PRKAR1B: variants seen among roughly 807,000 people sequenced by gnomAD.
The protein encoded by PRKAR1B is protein kinase cAMP-dependent type I regulatory subunit beta.
Under a neutral mutation model 46.5 loss-of-function variants are expected in PRKAR1B, and 22 were observed. The ratio of observed to expected loss-of-function variants is 0.47; its 90% CI spans 0.34 to 0.68. The LOEUF (loss-of-function observed/expected upper bound fraction) is 0.68, where lower values mean the gene tolerates loss of function less well. PRKAR1B is among the 30% of genes least tolerant of loss of function. PRKAR1B has a pLI of 0.01. For missense variants in PRKAR1B, 445 were observed against 535.6 expected, an observed-to-expected ratio of 0.83 and a Z score of 1.67; for synonymous variants, 259 against 217.7, an observed-to-expected ratio of 1.19 and a Z score of -1.67.
At chr7:715,172 C>T (rs1049974562) in intron 1 of PRKAR1B, among the ~76,000 whole-genome samples, 6 of 152,100 alleles carry the variant, frequency 3.9e-5, no homozygotes, top group South Asian at 4.1e-4. Flanking sequence ...AACGAAACTC[C>T]GTCTCGAAAT....
intron 9 of PRKAR1B, among the ~76,000 whole-genome samples, chr7:551,698 C>A (rs1461911626): frequency 6.7e-6 from 1 of 148,760 alleles, no homozygotes; most frequent in Non-Finnish European, 1.5e-5. Flanking sequence ...ACCCCCATGT[C>A]CTGCCCAGGT....
intron 6 of PRKAR1B, among the ~76,000 whole-genome samples, chr7:597,740 A>G (rs1252033585): frequency 6.6e-6 from 1 of 152,232 alleles, no homozygotes; most frequent in Non-Finnish European, 1.5e-5. Context: ...AGGGCCTGCG[A>G]TGGCCGGGGC....
Position 727,191 on chromosome 7 carries a change from C to T in PRKAR1B, c.-23+19G>A. On this transcript the variant is annotated intron_variant, in intron 1 of 10. Coordinates refer to ENST00000537384, the MANE Select transcript of PRKAR1B (RefSeq NM_001164760.2). ...TGGGCCTGGCCGTGGACCTGTGCGGCGCCGCGCTCGCGCCCCACCTGGACG... is the reference window on the plus strand; with the variant it reads ...TGGGCCTGGCCGTGGACCTGTGCGGTGCCGCGCTCGCGCCCCACCTGGACG... The T allele has an allele frequency of 3.7e-6, 5 of 1,344,712 alleles. No homozygotes were observed. Among genetic ancestry groups the T allele is most frequent in the Non-Finnish European group, 4.8e-6 (5 of 1,044,218 alleles). 83.3% of individuals were successfully genotyped at this position (1,344,712 alleles called of 1,614,324 possible). A position where few individuals can be genotyped will look rare whatever the true frequency, so the allele number is the denominator to read the frequency against.
rs142648022 is a variant in PRKAR1B at position 589,119 on chromosome 7, A to T, written c.709-4551T>A. 5.5e-4 allele frequency among the ~76,000 whole-genome samples: 77 copies of T among 140,704 alleles called. 1 individual carries two copies. Among genetic ancestry groups the T allele is most frequent in the Middle Eastern group, 7.1e-3 (2 of 282 alleles). 92.3% of individuals were successfully genotyped at this position (140,704 alleles called of 152,430 possible). A position where few individuals can be genotyped will look rare whatever the true frequency, so the allele number is the denominator to read the frequency against. ...GTGTGCTGACGGGGAAAGTCAGGAC[A>T]TTGCAATTCCAACCCCAGCCTACCC... On this transcript the variant is annotated intron_variant, in intron 7 of 10. Coordinates refer to ENST00000537384, the MANE Select transcript of PRKAR1B (RefSeq NM_001164760.2).
intron 9 of PRKAR1B, among the ~76,000 whole-genome samples, chr7:571,850 CGGA>C (rs1779535361): frequency 6.6e-6 from 1 of 152,232 alleles, no homozygotes; most frequent in Non-Finnish European, 1.5e-5. Context: ...GGTGAGGTGA[CGGA>C]ACAGCTGGAC....
At position 555,690 on chromosome 7, in the gene PRKAR1B, C is replaced by A. The variant is rs1040934333; in HGVS notation, c.892-4220G>T. 8.5e-5 allele frequency among the ~76,000 whole-genome samples: 13 copies of A among 152,328 alleles called. No individual in the cohort carries two copies. The East Asian group carries it at 2.5e-3, about 29-fold the overall frequency. On this transcript the variant is annotated intron_variant, in intron 9 of 10. Coordinates refer to ENST00000537384, the MANE Select transcript of PRKAR1B (RefSeq NM_001164760.2). ...AGCATGTTGTGGGGGGCATGAATTT[C>A]TCCACTTCGCAGATGGAAGCCCAGA...
At chr7:674,409 C>T (rs1356126994) in intron 4 of PRKAR1B, among the ~76,000 whole-genome samples, 1 of 151,820 alleles carries the variant, frequency 6.6e-6, no homozygotes, top group African/African-American at 2.4e-5. Flanking sequence ...CCAGCTACTC[C>T]ATGTATACCT....
chr7:565,695 G>A (rs1235708218), intron 9 of PRKAR1B: 1 of 152,248 alleles, frequency 6.6e-6, no homozygotes, highest in African/African-American at 2.4e-5. Context: ...GACTCAGCAG[G>A]ACAGATGAGG....
At chr7:659,704 G>A (rs1439586365) in intron 4 of PRKAR1B, among the ~76,000 whole-genome samples, 1 of 151,842 alleles carries the variant, frequency 6.6e-6, no homozygotes, top group Non-Finnish European at 1.5e-5. Context: ...TGGGCCTTGT[G>A]AGGGCTTTTG....
chr7:720,050 CTT>C (rs34254216), intron 1 of PRKAR1B, among the ~76,000 whole-genome samples: 85 of 93,170 alleles, frequency 9.1e-4, no homozygotes, highest in African/African-American at 2.8e-3. Flanking sequence ...CTGTGCAAGT[CTT>C]TTTTTTTTTT....
At chr7:594,371 C>T (rs904703762) in intron 7 of PRKAR1B, among the ~76,000 whole-genome samples, 14 of 152,176 alleles carry the variant, frequency 9.2e-5, no homozygotes, top group African/African-American at 3.1e-4. Context: ...GGCTGGACCC[C>T]GGGACCCCAG....
intron 2 of PRKAR1B, among the ~76,000 whole-genome samples, chr7:693,667 T>G (rs983887295): frequency 6.6e-6 from 1 of 152,122 alleles, no homozygotes. Flanking sequence ...CGTGCGAGGT[T>G]TTCACATCGT....
chr7:561,178 TACACACATGC>T (rs1778772064), intron 9 of PRKAR1B, among the ~76,000 whole-genome samples: 1 of 144,938 alleles, frequency 6.9e-6, no homozygotes, highest in African/African-American at 2.6e-5. Context: ...GGTACGTGCA[TACACACATGC>T]ACACACACCC....
intron 10 of PRKAR1B, among the ~76,000 whole-genome samples, chr7:551,001 A>AC (rs1390241898): frequency 3.5e-5 from 5 of 142,668 alleles, no homozygotes; most frequent in Non-Finnish European, 7.6e-5. Context: ...CAGGACCCAG[A>AC]CCCCCAGCTG....
At chr7:715,148 G>C (rs76787496) in intron 1 of PRKAR1B, among the ~76,000 whole-genome samples, 1 of 152,230 alleles carries the variant, frequency 6.6e-6, no homozygotes, top group East Asian at 1.9e-4. Context: ...TCCAGCCTGG[G>C]CAGCAAAAGA....
At chr7:636,425 TCCTCCACCG>T (rs1784104523) in intron 4 of PRKAR1B, among the ~76,000 whole-genome samples, 1 of 84,048 alleles carries the variant, frequency 1.2e-5, no homozygotes, top group Admixed American at 1.3e-4. Context: ...CGCCCACACG[TCCTCCACCG>T]GCCGCGCCCT....
rs190942540 is a variant in PRKAR1B at position 687,160 on chromosome 7, A to G, written c.178-6434T>C. On this transcript the variant is annotated intron_variant, in intron 2 of 10. Transcript: ENST00000537384. ...CCTCAAATTTTCTCTTTAATTTTTCATATGTAATGTTGGGAACTCAATCAA... is the reference window on the plus strand; with the variant it reads ...CCTCAAATTTTCTCTTTAATTTTTCGTATGTAATGTTGGGAACTCAATCAA... Among the ~76,000 whole-genome samples, 260 of 152,346 alleles carry G rather than the reference A, an allele frequency of 1.7e-3. 1 individual carries two copies. Among genetic ancestry groups the G allele is most frequent in the Non-Finnish European group, 9.4e-4 (64 of 68,038 alleles).
intron 4 of PRKAR1B, among the ~76,000 whole-genome samples, chr7:661,768 T>C (rs1332753435): frequency 3.7e-4 from 5 of 13,402 alleles, no homozygotes; most frequent in Admixed American, 1.0e-3. Flanking sequence ...CACAGGTCCC[T>C]ACTCCAACAG....
chr7:635,359 C>G (rs1388088331), intron 4 of PRKAR1B, among the ~76,000 whole-genome samples: 1 of 152,224 alleles, frequency 6.6e-6, no homozygotes, highest in Non-Finnish European at 1.5e-5. Context: ...CGCGCCCAGG[C>G]AGACTGTGGC....
Sources: gnomAD v4.1 joint callset for allele counts (sites outside exome capture counted in the v4.1 genomes callset) on GRCh38, gnomAD v4.1.1 for gene constraint, MANE v1.5 for transcripts, NCBI Gene and HGNC (gene_info 2026-07-23, HGNC 2026-07-21) for gene names.